The following GPC3 variants were observed in gnomAD, a reference collection of about 807,000 sequenced individuals.
The protein encoded by GPC3 is glypican 3.
GPC3 carries 3 observed loss-of-function variants against 34.4 expected under a neutral mutation model. The ratio of observed to expected loss-of-function variants is 0.09; its 90% confidence interval spans 0.04 to 0.23. The LOEUF is 0.23. GPC3 is among the 10% of genes least tolerant of loss of function. The pLI is 1.00. For missense variants in GPC3, 351 were observed against 445.6 expected, an observed-to-expected ratio of 0.79 and a Z score of 1.91; for synonymous variants, 177 against 174.0, an observed-to-expected ratio of 1.02 and a Z score of -0.13.
chrX:133,840,360 G>A (rs2075818645), intron 2 of GPC3, among the ~76,000 whole-genome samples: 2 of 111,009 alleles, frequency 1.8e-5, no homozygotes, highest in Admixed American at 9.6e-5. Context: ...AGGGGAGGGG[G>A]TTTGGAAGGG....
At chrX:133,831,016 A>T (rs1390940057) in intron 2 of GPC3, among the ~76,000 whole-genome samples, 5 of 111,778 alleles carry the variant, frequency 4.5e-5, no homozygotes, top group African/African-American at 1.6e-4. Context: ...TCAAAAGATT[A>T]CTGTATAATT....
intron 2 of GPC3, among the ~76,000 whole-genome samples, chrX:133,918,359 T>C (rs1603272406): frequency 8.9e-6 from 1 of 112,498 alleles, no homozygotes; most frequent in African/African-American, 3.2e-5. Flanking sequence ...CCTAGTATGT[T>C]ATAGAAACTG....
At position 133,924,401 on chromosome X, in the gene GPC3, T is replaced by G. The variant is rs183430268; in HGVS notation, c.337+28649A>C. On this transcript the variant is annotated intron_variant, in intron 2 of 7. Coordinates refer to ENST00000370818, the MANE Select transcript of GPC3 (RefSeq NM_004484.4). Reference sequence around the variant, plus strand: ...TGATTCACTCATAACTAGAAGCGAGTGCAGCCCCTGCTCCCACTCCAAAAG... The same window carrying G: ...TGATTCACTCATAACTAGAAGCGAGGGCAGCCCCTGCTCCCACTCCAAAAG... Among the ~76,000 whole-genome samples, 62 of 110,819 alleles carry G rather than the reference T, an allele frequency of 5.6e-4. No homozygotes were observed. The East Asian group carries it at 0.015, about 26-fold the overall frequency.
At chrX:133,548,611 T>C (rs1489558556) in intron 7 of GPC3, among the ~76,000 whole-genome samples, 4 of 111,549 alleles carry the variant, frequency 3.6e-5, no homozygotes, top group African/African-American at 9.8e-5. Flanking sequence ...CCCTAAGTTA[T>C]TCCATTTGGA....
At chrX:133,618,692 C>T (rs1325715294) in intron 6 of GPC3, among the ~76,000 whole-genome samples, 1 of 81,090 alleles carries the variant, frequency 1.2e-5, no homozygotes, top group Non-Finnish European at 2.3e-5. Context: ...CAGAGAAAGA[C>T]ACTGTATCAA....
At chrX:133,651,538 T>C (rs1249239545) in intron 6 of GPC3, among the ~76,000 whole-genome samples, 3 of 111,944 alleles carry the variant, frequency 2.7e-5, no homozygotes, top group African/African-American at 9.8e-5. Flanking sequence ...ACTTCACATT[T>C]ATCCCCATGG....
intron 1 of GPC3, among the ~76,000 whole-genome samples, chrX:133,983,767 T>C (rs1201829402): frequency 1.8e-5 from 2 of 111,509 alleles, no homozygotes; most frequent in Non-Finnish European, 3.8e-5. Context: ...GTTGTTTCAG[T>C]TCTGTGGAAC....
intron 3 of GPC3, among the ~76,000 whole-genome samples, chrX:133,735,142 G>A (rs2071498025): frequency 9.0e-6 from 1 of 111,204 alleles, no homozygotes; most frequent in African/African-American, 3.3e-5. Context: ...ATTGCAGGGG[G>A]CCCCAAATAG....
In GPC3 at chrX:133,536,256, T is replaced by G; in HGVS notation, c.1611A>C (p.Gly537=). The change falls in exon 8 of 8, where the codon GGA becomes GGC. Residue 537 remains glycine, a synonymous_variant. Transcript: ENST00000370818. The part of the protein sequence containing the change: ...AYDLDVDDAP[G]NSQQATPKDN... ...CCTTCGGAGTTGCCTGCTGACTGTTTCCAGGCGCATCATCCACATCCAGAT... is the reference window on the plus strand; with the variant it reads ...CCTTCGGAGTTGCCTGCTGACTGTTGCCAGGCGCATCATCCACATCCAGAT... The G allele has an allele frequency of 1.7e-6, 2 of 1,204,446 alleles. No individual in the cohort carries two copies. The highest frequency in any genetic ancestry group is 2.2e-6 in the Non-Finnish European group (2 of 889,507).
In GPC3 at chrX:133,726,187, G is replaced by A. The variant is rs940674070; in HGVS notation, c.1033-26159C>T. Among the ~76,000 whole-genome samples, 10 of 111,628 alleles carry A rather than the reference G, an allele frequency of 9.0e-5. No homozygotes were observed. In the Admixed American group the frequency reaches 9.5e-4, roughly 11 times the overall value. On this transcript the variant is annotated intron_variant, in intron 3 of 7. Transcript: ENST00000370818. ...TGCCTCACGTCCTGCCATCCTGCCA[G>A]AGCTAATAACATACATGAATCAGAA...
chrX:133,920,161 CA>C (rs776900070), intron 2 of GPC3, among the ~76,000 whole-genome samples: 82 of 83,860 alleles, frequency 9.8e-4, no homozygotes, highest in Non-Finnish European at 1.1e-3. Flanking sequence ...AAGATCCTGT[CA>C]AAAAAAAAAA....
At chrX:133,839,796 T>C (rs908357547) in intron 2 of GPC3, among the ~76,000 whole-genome samples, 3 of 107,608 alleles carry the variant, frequency 2.8e-5, no homozygotes, top group Non-Finnish European at 5.8e-5. Context: ...GGCGTGGTGG[T>C]GGGCGCCTGT....
intron 6 of GPC3, among the ~76,000 whole-genome samples, chrX:133,653,813 G>C (rs749287182): frequency 8.9e-6 from 1 of 112,379 alleles, no homozygotes; most frequent in Admixed American, 9.4e-5. Flanking sequence ...ATGATTTGGA[G>C]TACTTACTGT....
intron 2 of GPC3, among the ~76,000 whole-genome samples, chrX:133,814,187 G>A (rs2075678368): frequency 9.0e-6 from 1 of 111,174 alleles, no homozygotes; most frequent in Non-Finnish European, 1.9e-5. Flanking sequence ...CATGCTAAGA[G>A]AAACCAGATC....
At chrX:133,662,817 C>T (rs1186375898) in intron 5 of GPC3, among the ~76,000 whole-genome samples, 1 of 111,377 alleles carries the variant, frequency 9.0e-6, no homozygotes, top group African/African-American at 3.3e-5. Context: ...GGAATGCTTT[C>T]TTAAAGAAAT....
intron 2 of GPC3, among the ~76,000 whole-genome samples, chrX:133,831,158 T>C (rs2075773593): frequency 8.9e-6 from 1 of 111,900 alleles, no homozygotes. Context: ...TTTGTGGTGA[T>C]GAAACAGTTC....
intron 2 of GPC3, among the ~76,000 whole-genome samples, chrX:133,949,851 G>C (rs1278985904): frequency 8.9e-6 from 1 of 111,906 alleles, no homozygotes; most frequent in African/African-American, 3.2e-5. Flanking sequence ...TTACCTCAAG[G>C]ACATTAAGAA....
intron 2 of GPC3, among the ~76,000 whole-genome samples, chrX:133,887,954 G>A (rs1319914738): frequency 1.9e-5 from 2 of 106,964 alleles, no homozygotes. Context: ...TTTAAGTTCT[G>A]GGTTACATGT....
chrX:133,840,628 T>TCATCATCAC (rs953338086), intron 2 of GPC3, among the ~76,000 whole-genome samples: 1 of 110,766 alleles, frequency 9.0e-6, no homozygotes, highest in Non-Finnish European at 1.9e-5. Context: ...TTCATCACCA[T>TCATCATCAC]CATCATCACC....
Sources: allele counts gnomAD v4.1 joint callset (sites outside exome capture counted in the v4.1 genomes callset), GRCh38; gene constraint gnomAD v4.1.1; transcripts MANE v1.5; gene names NCBI Gene and HGNC (gene_info 2026-07-23, HGNC 2026-07-21).